The following CFAP74 variants were observed in gnomAD, a reference collection of about 807,000 sequenced individuals.
CFAP74 encodes cilia and flagella associated protein 74.
Under a neutral mutation model 188.9 loss-of-function variants are expected in CFAP74, and 124 were observed. That is an observed-to-expected ratio of 0.66 (90% CI 0.57 to 0.76). The LOEUF (loss-of-function observed/expected upper bound fraction) is 0.76. Among genes scored for constraint, CFAP74 ranks in the 30% least tolerant of loss-of-function variants. The pLI is 0.00. For synonymous variants in CFAP74, 956 were observed against 916.7 expected (o/e 1.04, Z -0.77); for missense variants, 2,198 against 2,165.2 (o/e 1.02, Z -0.30).
At chr1:1,997,417 C>T (rs1446090459) in intron 1 of CFAP74, among the ~76,000 whole-genome samples, 4 of 146,880 alleles carry the variant, frequency 2.7e-5, no homozygotes, top group Non-Finnish European at 4.5e-5. Flanking sequence ...AGCGAAACTC[C>T]GTCTCAAAAA....
intron 6 of CFAP74, among the ~76,000 whole-genome samples, chr1:1,977,211 C>G (rs1279305531): frequency 6.6e-6 from 1 of 152,260 alleles, no homozygotes; most frequent in Middle Eastern, 3.4e-3. Context: ...GACTGACGAA[C>G]AATAGCGTTG....
chr1:1,923,975 ACTGT>A lies in CFAP74; in HGVS notation c.4235-50_4235-47del, dbSNP rs757693357. 5.1e-6 allele frequency: 8 copies of A among 1,570,910 alleles called. No homozygotes were observed. In the East Asian group the frequency reaches 9.0e-5, roughly 18 times the overall value. On this transcript the variant is annotated intron_variant, in intron 34 of 38. Transcript: ENST00000682832. This position sits in a 1 kb window ranked among gnomAD's most constrained non-coding sequence, Gnocchi z 6.3. ...AGTTTGGCCTTCTCCACCTGCAATC[ACTGT>A]CTGCCCTCCAAGCCTTGCTGCATAG...
chr1:1,939,862 G>A lies in CFAP74; in HGVS notation c.2704-95C>T. The A allele has an allele frequency of 2.5e-6, 3 of 1,214,050 alleles. No individual in the cohort carries two copies. The South Asian group carries it at 4.2e-5, about 17-fold the overall frequency. 75.2% of individuals were successfully genotyped at this position (1,214,050 alleles called of 1,614,324 possible). A position where few individuals can be genotyped will look rare whatever the true frequency, so the allele number is the denominator to read the frequency against. On this transcript the variant is annotated intron_variant, in intron 23 of 38. Transcript: ENST00000682832. ...GGCGCAACCACTGCTGCTGCCTTGT[G>A]GCCATGGCCCACTGTTTCCAGGACA...
rs1215764364 is a variant in CFAP74 at position 1,956,753 on chromosome 1, C to G, written c.1883G>C (p.Gly628Ala). 1.2e-6 allele frequency: 2 copies of G among 1,613,704 alleles called. No individual in the cohort carries two copies. The highest frequency in any genetic ancestry group is 4.5e-5 in the East Asian group (2 of 44,860). ...CGTGGTCTCTCCTACCACGTAGCTG[C>G]CGAAGTCAATGAGCTCCTTGTCGAG... ...LSLDKELIDF[G>A]SYVVGETTSR... is the part of the protein sequence containing the mutation. The change falls in exon 17 of 39, where the codon GGC becomes GCC. Residue 628 changes from glycine to alanine, a missense_variant. Coordinates refer to ENST00000682832, the MANE Select transcript of CFAP74 (RefSeq NM_001304360.2).
intron 2 of CFAP74, among the ~76,000 whole-genome samples, chr1:1,989,520 G>A (rs577386413): frequency 2.7e-4 from 41 of 152,342 alleles, no homozygotes; most frequent in African/African-American, 8.4e-4. Flanking sequence ...GAGTGCGGTG[G>A]CGTGATCTTG....
chr1:1,948,934 T>TCCCTCCCTTCTTTCCTTCCCTTCCCCTC (rs140432652), intron 18 of CFAP74, among the ~76,000 whole-genome samples: 1 of 40,758 alleles, frequency 2.5e-5, no homozygotes, highest in African/African-American at 5.9e-5. Flanking sequence ...CCTTCCTCTT[T>TCCCTCCCTTCTTTCCTTCCCTTCCCCTC]CCTCCCTTCC....
Position 1,952,560 on chromosome 1 carries a change from A to G in CFAP74, c.2176+3131T>C, listed in dbSNP as rs145862291. 2.8e-3 allele frequency among the ~76,000 whole-genome samples: 421 copies of G among 148,322 alleles called. 2 individuals are homozygous for G. Among genetic ancestry groups the G allele is most frequent in the African/African-American group, 0.01 (404 of 39,442 alleles). The stretch of plus-strand genomic sequence containing the variant: ...GAAAGAAAGAAAAAAGGAAGGAAGG[A>G]AGGGAGGGAAAGAGAGAAAGAAGCA... On this transcript the variant is annotated intron_variant, in intron 18 of 38. Coordinates refer to ENST00000682832, the MANE Select transcript of CFAP74 (RefSeq NM_001304360.2).
chr1:1,971,049 A>T (rs980762107), intron 9 of CFAP74, among the ~76,000 whole-genome samples: 1 of 148,832 alleles, frequency 6.7e-6, no homozygotes, highest in African/African-American at 2.5e-5. Context: ...ACACACGTGC[A>T]CACACATGCT....
intron 1 of CFAP74, among the ~76,000 whole-genome samples, chr1:1,993,418 T>C (rs1384223383): frequency 6.6e-6 from 1 of 151,172 alleles, no homozygotes; most frequent in African/African-American, 2.4e-5. Context: ...CCAAAGGAGC[T>C]GGGACTACAG....
At chr1:1,961,141 C>T (rs1030437275) in intron 14 of CFAP74, among the ~76,000 whole-genome samples, 7 of 151,910 alleles carry the variant, frequency 4.6e-5, no homozygotes, top group East Asian at 1.9e-4. Flanking sequence ...CCACCCAATG[C>T]GAAAAAGAGA....
chr1:1,967,836 A>T (rs1655576238), intron 11 of CFAP74, among the ~76,000 whole-genome samples: 1 of 152,162 alleles, frequency 6.6e-6, no homozygotes, highest in Non-Finnish European at 1.5e-5. Context: ...CCCCAACTGA[A>T]GCCAGTTGCC....
chr1:1,956,538 G>T, intron 17 of CFAP74, 82 bp downstream of exon 17: 1 of 1,547,310 alleles, frequency 6.5e-7, no homozygotes, highest in Non-Finnish European at 8.9e-7. Flanking sequence ...ATACCCTCAT[G>T]TTGTCACCTC....
In CFAP74 at chr1:1,968,833, C is replaced by A; in HGVS notation, c.1047G>T (p.Arg349Ser). ...TGAGCTTCTGCTCCTCCTCAAAGGC[C>A]CTGCGTGGAGTCGCTTCTCAGATGA... ...RRRQELEAQK[R>S]AFEEEQKLRK... Residue 349 changes from arginine to serine, a missense_variant and splice_region_variant, in exon 11 of 39, where the codon AGG (arginine) becomes AGT (serine). Arg to Ser is a moderately radical substitution (Grantham distance 110). Transcript: ENST00000682832. The surrounding 1 kb of genome is among the most constrained non-coding windows in gnomAD (Gnocchi z 4.3). The A allele has an allele frequency of 6.2e-7, 1 of 1,613,896 alleles. No individual in the cohort carries two copies. The highest frequency in any genetic ancestry group is 8.5e-7 in the Non-Finnish European group (1 of 1,179,962).
chr1:1,999,646 G>A (rs1261669833), intron 1 of CFAP74, among the ~76,000 whole-genome samples: 1 of 151,656 alleles, frequency 6.6e-6, no homozygotes, highest in Non-Finnish European at 1.5e-5. Flanking sequence ...GTGAAACCCC[G>A]TCTCTACAAA....
Position 1,973,164 on chromosome 1 carries a change from C to A in CFAP74, c.675-117G>T. 1.5e-6 allele frequency: 1 copy of A among 687,216 alleles called. No homozygotes were observed. Among genetic ancestry groups the A allele is most frequent in the South Asian group, 1.8e-5 (1 of 54,370 alleles). The allele number at this position is 687,216 out of a possible 1,614,324, so 42.6% of individuals were successfully genotyped here. ...ACGCCGTGGGCCCTTTCGCTCAGCT[C>A]TGTCCCGCACAGCCTCCCTTGGGGA... On this transcript the variant is annotated intron_variant, in intron 7 of 38. Transcript: ENST00000682832. The surrounding 1 kb of genome is among the most constrained non-coding windows in gnomAD (Gnocchi z 6.2).
At chr1:1,963,256 G>A (rs1558032247) in intron 14 of CFAP74, among the ~76,000 whole-genome samples, 1 of 152,092 alleles carries the variant, frequency 6.6e-6, no homozygotes, top group Non-Finnish European at 1.5e-5. Flanking sequence ...TTCGAGACCA[G>A]CCTGGGCAAC....
chr1:1,970,781 G>A lies in CFAP74; in HGVS notation c.924C>T (p.Ala308=). 1 of 1,614,150 alleles carries A rather than the reference G, an allele frequency of 6.2e-7. No individual in the cohort carries two copies. The highest frequency in any genetic ancestry group is 8.5e-7 in the Non-Finnish European group (1 of 1,180,012). Residue 308 remains alanine, a synonymous_variant, in exon 10 of 39, where the codon GCC becomes GCT. Coordinates refer to ENST00000682832, the MANE Select transcript of CFAP74 (RefSeq NM_001304360.2). ...CCCTCTGCTCCGCCAGCTCTGCCTTGGCACGGTCCCATGCTTGGAACTTCC... is the reference window on the plus strand; with the variant it reads ...CCCTCTGCTCCGCCAGCTCTGCCTTAGCACGGTCCCATGCTTGGAACTTCC... ...TLRKFQAWDR[A]KAELAEQRVQ...
intron 25 of CFAP74, among the ~76,000 whole-genome samples, chr1:1,937,889 G>T (rs1558000715): frequency 1.4e-5 from 2 of 144,142 alleles, no homozygotes; most frequent in Admixed American, 1.4e-4. Flanking sequence ...TGTCCAGAGG[G>T]GTGCCCTGCA....
rs762050795 is a variant in CFAP74, at chr1:1,928,857, C to T, written c.3314G>A (p.Arg1105Gln). 5.5e-5 allele frequency: 85 copies of T among 1,535,640 alleles called. No individual in the cohort carries two copies. Among genetic ancestry groups the T allele is most frequent in the South Asian group, 9.5e-5 (8 of 84,066 alleles). Residue 1105 changes from arginine to glutamine, a missense_variant, in exon 27 of 39, where the codon CGG becomes CAG. Arg to Gln is a conservative substitution (Grantham distance 43, BLOSUM62 1). Transcript: ENST00000682832. ...GKRCLVQVAF[R>Q]PVLPEKLIRQ... ...GATCAGCTTCTCGGGCAGCACTGGCCGGAAGGCCACCTGGACCAGGCACCT... is the reference window on the plus strand; with the variant it reads ...GATCAGCTTCTCGGGCAGCACTGGCTGGAAGGCCACCTGGACCAGGCACCT...
Sources: allele counts gnomAD v4.1 joint callset (sites outside exome capture counted in the v4.1 genomes callset), GRCh38; gene constraint gnomAD v4.1.1; non-coding constraint Gnocchi (gnomAD v3.1); transcripts MANE v1.5; gene names NCBI Gene and HGNC (gene_info 2026-07-23, HGNC 2026-07-21).